SNX29: variants seen among roughly 807,000 people sequenced by gnomAD.
SNX29 encodes sorting nexin-29.
A neutral mutation model predicts 102.1 loss-of-function variants in SNX29; 78 were observed. The observed-to-expected ratio is 0.76, with a 90% CI of 0.64 to 0.92. SNX29 has a LOEUF of 0.92. Among genes scored for constraint, SNX29 ranks in the 40% least tolerant of loss-of-function variants. The pLI, the probability that SNX29 is intolerant of heterozygous loss-of-function variation, is 0.00. For missense variants in SNX29, 1,280 were observed against 1,061.7 expected (o/e 1.21, Z -2.86); for synonymous variants, 580 against 414.5 (o/e 1.40, Z -4.85).
chr16:11,977,284 T>C (rs1272105069), intron 1 of SNX29, among the ~76,000 whole-genome samples: 4 of 152,074 alleles, frequency 2.6e-5, no homozygotes, highest in Non-Finnish European at 5.9e-5. Flanking sequence ...ACAGTTAGTT[T>C]GCTGACCCCA....
intron 19 of SNX29, among the ~76,000 whole-genome samples, chr16:12,508,406 G>C (rs917795639): frequency 6.6e-6 from 1 of 152,242 alleles, no homozygotes; most frequent in Non-Finnish European, 1.5e-5. Context: ...CAAGCTTGCA[G>C]ACTGTTTTTG....
chr16:12,255,400 C>G (rs1041912280), intron 14 of SNX29, among the ~76,000 whole-genome samples: 2 of 152,046 alleles, frequency 1.3e-5, no homozygotes, highest in African/African-American at 2.4e-5. Context: ...CCATATTAAC[C>G]AGGCTAGTGT....
In SNX29 at chr16:12,540,759, G is replaced by A. The variant is rs116484064; in HGVS notation, c.2318+15918G>A. ...TCCTTGGGGCACCATTGATCTTACC[G>A]CCACCTCCCCTAGAGTGTCAGGTGC... is the stretch of plus-strand genomic sequence containing the variant. On this transcript the variant is annotated intron_variant, in intron 20 of 20. Transcript: ENST00000566228. Among the ~76,000 whole-genome samples the A allele has an allele frequency of 1.6e-3, 239 of 152,306 alleles. 2 individuals are homozygous for A. Among genetic ancestry groups the A allele is most frequent in the African/African-American group, 5.2e-3 (215 of 41,562 alleles).
At chr16:12,381,935 C>T (rs1423077445) in intron 16 of SNX29, among the ~76,000 whole-genome samples, 1 of 151,132 alleles carries the variant, frequency 6.6e-6, no homozygotes, top group Non-Finnish European at 1.5e-5. Context: ...ACACATCCGG[C>T]ATTTCTAAGA....
intron 13 of SNX29, among the ~76,000 whole-genome samples, chr16:12,177,047 A>G (rs2076276360): frequency 6.6e-6 from 1 of 152,164 alleles, no homozygotes; most frequent in African/African-American, 2.4e-5. Flanking sequence ...TCCTGGGATC[A>G]AGCAATCCTC....
chr16:12,212,501 C>T (rs929155315), intron 14 of SNX29, among the ~76,000 whole-genome samples: 7 of 114,588 alleles, frequency 6.1e-5, no homozygotes, highest in African/African-American at 1.6e-4. Flanking sequence ...GTTGGAGGAA[C>T]CTGTCCAATC....
chr16:12,309,825 C>T (rs116976591), intron 15 of SNX29, among the ~76,000 whole-genome samples: 5 of 152,264 alleles, frequency 3.3e-5, no homozygotes, highest in South Asian at 2.1e-4. Context: ...AAGGCACCTG[C>T]GTAGGTGTCA....
chr16:12,089,197 G>A (rs1487634345), intron 11 of SNX29, among the ~76,000 whole-genome samples: 1 of 151,940 alleles, frequency 6.6e-6, no homozygotes, highest in Non-Finnish European at 1.5e-5. Context: ...GGTGGCACCT[G>A]GCATCTGCCT....
chr16:12,157,010 C>G (rs564961165), intron 13 of SNX29, among the ~76,000 whole-genome samples: 1 of 152,246 alleles, frequency 6.6e-6, no homozygotes, highest in South Asian at 2.1e-4. Context: ...TTAGGTGCTT[C>G]TCTGGGAGCT....
At chr16:12,473,428 T>C (rs990608937) in intron 18 of SNX29, among the ~76,000 whole-genome samples, 3 of 152,160 alleles carry the variant, frequency 2.0e-5, no homozygotes, top group Admixed American at 6.5e-5. Context: ...GTGCCTGGGC[T>C]TCAGGGGAAC....
chr16:12,265,471 T>A (rs2078899722), intron 14 of SNX29, among the ~76,000 whole-genome samples: 1 of 152,118 alleles, frequency 6.6e-6, no homozygotes, highest in Admixed American at 6.6e-5. Flanking sequence ...GTGAGCAGAT[T>A]TCTTAGGAAA....
chr16:12,264,311 G>A (rs1249616291), intron 14 of SNX29, among the ~76,000 whole-genome samples: 1 of 152,170 alleles, frequency 6.6e-6, no homozygotes, highest in Admixed American at 6.6e-5. Flanking sequence ...CCTCTGCATG[G>A]GCTTTTGAAA....
intron 13 of SNX29, among the ~76,000 whole-genome samples, chr16:12,177,815 G>A (rs182180558): frequency 1.6e-4 from 25 of 152,276 alleles, no homozygotes; most frequent in African/African-American, 2.2e-4. Context: ...TGCTGTGGGC[G>A]GGGTGCTGGT....
intron 18 of SNX29, among the ~76,000 whole-genome samples, chr16:12,435,405 T>C (rs1010662308): frequency 1.3e-5 from 2 of 152,182 alleles, no homozygotes; most frequent in Non-Finnish European, 2.9e-5. Context: ...TCAGGTAGTT[T>C]AGTTGAAGGG....
intron 16 of SNX29, among the ~76,000 whole-genome samples, chr16:12,379,104 T>G (rs2082983101): frequency 6.6e-6 from 1 of 152,206 alleles, no homozygotes; most frequent in Non-Finnish European, 1.5e-5. Context: ...CACTCCTGTT[T>G]CCTGCCCCTT....
chr16:12,406,475 A>G (rs764774171), intron 18 of SNX29, among the ~76,000 whole-genome samples: 4 of 152,234 alleles, frequency 2.6e-5, no homozygotes, highest in Non-Finnish European at 4.4e-5. Flanking sequence ...CAAGGGCATA[A>G]CCCCAAAGTG....
chr16:12,471,669 C>G (rs1174444413), intron 18 of SNX29, among the ~76,000 whole-genome samples: 2 of 152,260 alleles, frequency 1.3e-5, no homozygotes, highest in Non-Finnish European at 2.9e-5. Flanking sequence ...AGCTCACTCT[C>G]CCGAGGACAG....
intron 14 of SNX29, among the ~76,000 whole-genome samples, chr16:12,231,678 G>A (rs2077775392): frequency 6.6e-6 from 1 of 152,190 alleles, no homozygotes; most frequent in South Asian, 2.1e-4. Flanking sequence ...GTTGAATGAA[G>A]TGCTAAGGTT....
chr16:12,362,993 G>A lies in SNX29; in HGVS notation c.1899+6714G>A, dbSNP rs867729784. Among the ~76,000 whole-genome samples the A allele has an allele frequency of 3.3e-5, 5 of 152,238 alleles. No individual in the cohort carries two copies. The South Asian group carries it at 8.3e-4, about 25-fold the overall frequency. On this transcript the variant is annotated intron_variant, in intron 16 of 20. Transcript: ENST00000566228. ...TGCCATGCCAGCCCATCTCTCCTCT[G>A]TGCCATGCTCCCTCTGCCCAAGTCT...
Sources: gnomAD v4.1 joint callset for allele counts (sites outside exome capture counted in the v4.1 genomes callset) on GRCh38, gnomAD v4.1.1 for gene constraint, MANE v1.5 for transcripts, NCBI Gene and HGNC (gene_info 2026-07-23, HGNC 2026-07-21) for gene names.